Variants in NDUFB6 observed in about 807,000 individuals in gnomAD.
The protein encoded by NDUFB6 is NADH dehydrogenase [ubiquinone] 1 beta subcomplex subunit 6.
NDUFB6 carries 23 observed loss-of-function variants against 17.5 expected under a neutral mutation model. The observed-to-expected ratio is 1.31, with a 90% CI of 0.94 to 1.86. The LOEUF is 1.86. Ranked by LOEUF, NDUFB6 falls within the 40% of genes most tolerant of loss-of-function variation. NDUFB6 has a pLI of 0.00. For missense variants in NDUFB6, 167 were observed against 153.8 expected, an observed-to-expected ratio of 1.09 and a Z score of -0.46; for synonymous variants, 60 against 53.5, an observed-to-expected ratio of 1.12 and a Z score of -0.53.
In NDUFB6 at chr9:32,560,246, C is replaced by T. The variant is rs976868901; in HGVS notation, c.274-1292G>A. On this transcript the variant is annotated intron_variant, in intron 2 of 3. Transcript: ENST00000379847. ...AGTGGCTCTGGGACCTCTACTGACA[C>T]AAAATGTTTAACTAAATATGTCCAT... Among the ~76,000 whole-genome samples, 4 of 152,212 alleles carry T rather than the reference C, an allele frequency of 2.6e-5. No homozygotes were observed. In the East Asian group the frequency reaches 5.8e-4, roughly 22 times the overall value.
At chr9:32,570,082 C>G (rs939659274) in intron 2 of NDUFB6, among the ~76,000 whole-genome samples, 9 of 152,160 alleles carry the variant, frequency 5.9e-5, no homozygotes, top group Non-Finnish European at 1.3e-4. Context: ...AACCACATCC[C>G]AGCATTAATA....
rs1258260790 is a variant in NDUFB6 at position 32,553,705 on chromosome 9, C to G, written c.*171G>C. ...CTCTCATATTTGTTTAGCATGTCCACTTTTTACTTATTGTTAAATTACTCA... is the reference window on the plus strand; with the variant it reads ...CTCTCATATTTGTTTAGCATGTCCAGTTTTTACTTATTGTTAAATTACTCA... On this transcript the variant is annotated 3_prime_UTR_variant, in exon 4 of 4. Transcript: ENST00000379847. 1.8e-6 allele frequency: 1 copy of G among 568,780 alleles called. No homozygotes were observed. Among genetic ancestry groups the G allele is most frequent in the Non-Finnish European group, 3.1e-6 (1 of 318,990 alleles). 35.2% of individuals were successfully genotyped at this position (568,780 alleles called of 1,614,324 possible). A position where few individuals can be genotyped will look rare whatever the true frequency, so the allele number is the denominator to read the frequency against.
intron 3 of NDUFB6, among the ~76,000 whole-genome samples, chr9:32,554,489 CT>C (rs1432129972): frequency 6.6e-6 from 1 of 152,202 alleles, no homozygotes; most frequent in Non-Finnish European, 1.5e-5. Flanking sequence ...GGAACCTCCA[CT>C]GACAAGCTGT....
At chr9:32,559,207 C>G (rs762975579) in intron 2 of NDUFB6, among the ~76,000 whole-genome samples, 20 of 152,204 alleles carry the variant, frequency 1.3e-4, no homozygotes, top group Admixed American at 1.3e-3. Flanking sequence ...AAATGACACT[C>G]TTATTCCCCC....
Position 32,558,882 on chromosome 9 carries a change from A to T in NDUFB6, c.318+28T>A, listed in dbSNP as rs775831612. Reference sequence around the variant, plus strand: ...AAGGAAAGAGAAAAACAATAAACAAAAGAAAAATCAGAAGTGTTAAGACTT... The same window carrying T: ...AAGGAAAGAGAAAAACAATAAACAATAGAAAAATCAGAAGTGTTAAGACTT... On this transcript the variant is annotated intron_variant, in intron 3 of 3. Transcript: ENST00000379847. 1.3e-5 allele frequency: 19 copies of T among 1,451,218 alleles called. No homozygotes were observed. The South Asian group carries it at 2.2e-4, about 17-fold the overall frequency. 89.9% of individuals were successfully genotyped at this position (1,451,218 alleles called of 1,614,324 possible).
intron 3 of NDUFB6, among the ~76,000 whole-genome samples, chr9:32,556,406 G>A (rs1821456307): frequency 6.6e-6 from 1 of 152,234 alleles, no homozygotes; most frequent in Non-Finnish European, 1.5e-5. Context: ...ATATTCGATA[G>A]GCACGGCTGT....
At position 32,561,494 on chromosome 9, in the gene NDUFB6, AT is replaced by A. The variant is rs563250830; in HGVS notation, c.274-2541del. Among the ~76,000 whole-genome samples the A allele has an allele frequency of 3.3e-3, 506 of 151,910 alleles. 3 individuals are homozygous for A. The highest frequency in any genetic ancestry group is 4.5e-3 in the Non-Finnish European group (309 of 67,936). ...AGGCACATGCCACCAAGCCCAGCTA[AT>A]TTTTTTGTATTTTAGTAGAGATGGG... On this transcript the variant is annotated intron_variant, in intron 2 of 3. Transcript: ENST00000379847.
In NDUFB6 at chr9:32,566,725, C is replaced by T. The variant is rs1440496555; in HGVS notation, c.273+4235G>A. 3 of 893,864 alleles carry T rather than the reference C, an allele frequency of 3.4e-6. No homozygotes were observed. The South Asian group carries it at 3.9e-5, about 12-fold the overall frequency. 55.4% of individuals were successfully genotyped at this position (893,864 alleles called of 1,614,324 possible). On this transcript the variant is annotated intron_variant, in intron 2 of 3. Transcript: ENST00000379847. The stretch of plus-strand genomic sequence containing the variant: ...CCAGACTTATTCCAAAATCGGGACT[C>T]CAAGCCTTCAAACCACAGCGGGTCC...
chr9:32,557,461 T>C lies in NDUFB6; in HGVS notation c.318+1449A>G, dbSNP rs536179937. ...TGTAATTACAGGCATGAGCCCCCGA[T>C]ACCCCCTACTTTTTTTTTTCCTTTT... On this transcript the variant is annotated intron_variant, in intron 3 of 3. Transcript: ENST00000379847. Among the ~76,000 whole-genome samples the C allele has an allele frequency of 2.7e-5, 4 of 150,416 alleles. No individual in the cohort carries two copies. The East Asian group carries it at 7.9e-4, about 30-fold the overall frequency.
In NDUFB6 at chr9:32,553,140, C is replaced by T. The variant is rs1202427145; in HGVS notation, c.*736G>A. 2.3e-6 allele frequency: 1 copy of T among 430,606 alleles called. No individual in the cohort carries two copies. The highest frequency in any genetic ancestry group is 2.1e-5 in the African/African-American group (1 of 48,720). 26.7% of individuals were successfully genotyped at this position (430,606 alleles called of 1,614,324 possible). A position where few individuals can be genotyped will look rare whatever the true frequency, so the allele number is the denominator to read the frequency against. On this transcript the variant is annotated 3_prime_UTR_variant, in exon 4 of 4. Coordinates refer to ENST00000379847, the MANE Select transcript of NDUFB6 (RefSeq NM_002493.5). ...AATCTGACAGTCTTGAGTGTCAGATCATAGTTGGAATAAGCTTTTCAATCA... is the reference window on the plus strand; with the variant it reads ...AATCTGACAGTCTTGAGTGTCAGATTATAGTTGGAATAAGCTTTTCAATCA...
In NDUFB6 at chr9:32,553,199, CTTT is replaced by C. The variant is rs539102970; in HGVS notation, c.*674_*676del. 78 of 225,502 alleles carry C rather than the reference CTTT, an allele frequency of 3.5e-4. No individual in the cohort carries two copies. Among genetic ancestry groups the C allele is most frequent in the African/African-American group, 1.0e-3 (43 of 41,386 alleles). 14.0% of individuals were successfully genotyped at this position (225,502 alleles called of 1,614,324 possible). A position where few individuals can be genotyped will look rare whatever the true frequency, so the allele number is the denominator to read the frequency against. On this transcript the variant is annotated 3_prime_UTR_variant, in exon 4 of 4. Coordinates refer to ENST00000379847, the MANE Select transcript of NDUFB6 (RefSeq NM_002493.5). ...AATTCTTCAAAAATGATTCGGAAAGCTTTTTTTTTTTTTGAGACGGAGTCTTGC... is the reference window on the plus strand; with the variant it reads ...AATTCTTCAAAAATGATTCGGAAAGCTTTTTTTTTTGAGACGGAGTCTTGC...
rs531629321 is a variant in NDUFB6, at chr9:32,559,548, G to C, written c.274-594C>G. ...ACAGCCACAGTGGCTCCATTCCTAG[G>C]AGTCCAATTCAGTCAAGCCTGCTTG... On this transcript the variant is annotated intron_variant, in intron 2 of 3. Coordinates refer to ENST00000379847, the MANE Select transcript of NDUFB6 (RefSeq NM_002493.5). Among the ~76,000 whole-genome samples, 4 of 152,190 alleles carry C rather than the reference G, an allele frequency of 2.6e-5. No individual in the cohort carries two copies. The East Asian group carries it at 5.8e-4, about 22-fold the overall frequency.
chr9:32,553,948 G>C lies in NDUFB6; in HGVS notation c.319-4C>G. The C allele has an allele frequency of 6.4e-7, 1 of 1,571,790 alleles. No individual in the cohort carries two copies. The highest frequency in any genetic ancestry group is 1.1e-5 in the South Asian group (1 of 89,386). On this transcript the variant is annotated splice_polypyrimidine_tract_variant and splice_region_variant and intron_variant, in intron 3 of 3. Coordinates refer to ENST00000379847, the MANE Select transcript of NDUFB6 (RefSeq NM_002493.5). The stretch of plus-strand genomic sequence containing the variant: ...CAGTCTCCAGAATTGTATCACCCTA[G>C]GAAAACAAAGATACAGTTAGTACAA...
chr9:32,573,103 A>G lies in NDUFB6; in HGVS notation c.-43T>C. The G allele has an allele frequency of 6.7e-7, 1 of 1,485,056 alleles. No individual in the cohort carries two copies. Among genetic ancestry groups the G allele is most frequent in the Non-Finnish European group, 9.0e-7 (1 of 1,115,974 alleles). 92.0% of individuals were successfully genotyped at this position (1,485,056 alleles called of 1,614,324 possible). Reference sequence around the variant, plus strand: ...CGCAAAAGGACACGGCGCACCCTCGAACTACGGACTAGTTACTTAAGCGCG... The same window carrying G: ...CGCAAAAGGACACGGCGCACCCTCGGACTACGGACTAGTTACTTAAGCGCG... On this transcript the variant is annotated 5_prime_UTR_variant, in exon 1 of 4. Transcript: ENST00000379847.
At chr9:32,562,324 G>A (rs1402035737) in intron 2 of NDUFB6, among the ~76,000 whole-genome samples, 1 of 152,108 alleles carries the variant, frequency 6.6e-6, no homozygotes. Flanking sequence ...TTAATCAAGG[G>A]GCTTAATCTG....
intron 2 of NDUFB6, among the ~76,000 whole-genome samples, chr9:32,569,670 C>T (rs1346171710): frequency 2.0e-5 from 3 of 151,300 alleles, no homozygotes; most frequent in Non-Finnish European, 4.4e-5. Flanking sequence ...TGGACCACTA[C>T]ATCCAGCTAT....
At chr9:32,570,930 A>G in intron 2 of NDUFB6, 30 bp downstream of exon 2, 1 of 1,462,718 alleles carries the variant, frequency 6.8e-7, no homozygotes. Flanking sequence ...GGACAATATT[A>G]AAAATGAATT....
At chr9:32,572,426 A>C (rs1346558054) in intron 1 of NDUFB6, among the ~76,000 whole-genome samples, 1 of 152,200 alleles carries the variant, frequency 6.6e-6, no homozygotes, top group East Asian at 1.9e-4. Context: ...CGGGGATCAC[A>C]TGGGGCTGTA....
Position 32,572,930 on chromosome 9 carries a change from T to C in NDUFB6, c.131A>G (p.Glu44Gly). 2 of 1,605,784 alleles carry C rather than the reference T, an allele frequency of 1.2e-6. No individual in the cohort carries two copies. Among genetic ancestry groups the C allele is most frequent in the Non-Finnish European group, 1.7e-6 (2 of 1,175,956 alleles). ...CTCCAAAAATTTATTCCAGAATTTC[T>C]CCATAGGCCCCATCTTCTGTGGGGG... ...VLPPQKMGPM[E>G]KFWNKFLENK... Residue 44 changes from glutamate (E) to glycine (G), a missense_variant, in exon 1 of 4, where the codon GAG becomes GGG. Glu to Gly is a moderately conservative substitution (Grantham distance 98, BLOSUM62 -2). Coordinates refer to ENST00000379847, the MANE Select transcript of NDUFB6 (RefSeq NM_002493.5).
Sources: allele counts gnomAD v4.1 joint callset (sites outside exome capture counted in the v4.1 genomes callset), GRCh38; gene constraint gnomAD v4.1.1; transcripts MANE v1.5; gene names NCBI Gene and HGNC (gene_info 2026-07-23, HGNC 2026-07-21).